PACSIN2: variants seen among roughly 807,000 people sequenced by gnomAD.
PACSIN2 encodes the protein protein kinase C and casein kinase substrate in neurons protein 2.
A neutral mutation model predicts 63.8 loss-of-function variants in PACSIN2; 25 were observed. That is an observed-to-expected ratio of 0.39 (90% CI 0.29 to 0.55). The LOEUF is 0.55. Among genes scored for constraint, PACSIN2 ranks in the 20% least tolerant of loss-of-function variants. PACSIN2 has a pLI of 0.62. For missense variants in PACSIN2, 518 were observed against 646.9 expected (o/e 0.80, Z 2.16); for synonymous variants, 255 against 256.2 (o/e 1.00, Z 0.05).
intron 1 of PACSIN2, among the ~76,000 whole-genome samples, chr22:43,005,475 G>A (rs1474252191): frequency 2.0e-5 from 3 of 152,186 alleles, no homozygotes; most frequent in African/African-American, 7.2e-5. Flanking sequence ...GCTTACAAAA[G>A]GTGGTGGGGA....
At chr22:42,966,964 G>T (rs1920965363) in intron 1 of PACSIN2, among the ~76,000 whole-genome samples, 1 of 152,164 alleles carries the variant, frequency 6.6e-6, no homozygotes, top group Admixed American at 6.6e-5. Context: ...TCAGCCATCT[G>T]ACAAATATTT....
chr22:42,907,166 G>C (rs2267467), intron 2 of PACSIN2, among the ~76,000 whole-genome samples: 27,919 of 152,182 alleles, frequency 0.18, 4,145 homozygotes, highest in East Asian at 0.55. Flanking sequence ...CTGGAGCCCA[G>C]GGCAGAGCTT....
At chr22:42,947,803 G>A (rs1367147453) in intron 1 of PACSIN2, among the ~76,000 whole-genome samples, 1 of 152,156 alleles carries the variant, frequency 6.6e-6, no homozygotes. Context: ...AATGGCATCC[G>A]GCTGGGACCT....
chr22:42,920,863 T>C (rs1932145995), intron 1 of PACSIN2, among the ~76,000 whole-genome samples: 1 of 145,842 alleles, frequency 6.9e-6, no homozygotes, highest in Non-Finnish European at 1.5e-5. Flanking sequence ...AGTGCAGTGG[T>C]GTGATCACAG....
At chr22:42,874,573 G>A (rs1363905522) in intron 10 of PACSIN2, among the ~76,000 whole-genome samples, 6 of 152,262 alleles carry the variant, frequency 3.9e-5, no homozygotes, top group Admixed American at 1.3e-4. Context: ...GGCATGCCAA[G>A]TGCTACTCTG....
At chr22:42,995,709 C>A (rs1015120935) in intron 1 of PACSIN2, among the ~76,000 whole-genome samples, 1 of 152,168 alleles carries the variant, frequency 6.6e-6, no homozygotes, top group African/African-American at 2.4e-5. Flanking sequence ...GTCCACCAGA[C>A]AGAGGCCTTA....
At chr22:42,897,640 C>T (rs1284388881) in intron 2 of PACSIN2, among the ~76,000 whole-genome samples, 3 of 152,198 alleles carry the variant, frequency 2.0e-5, no homozygotes, top group Non-Finnish European at 4.4e-5. Context: ...GCCTGGACAT[C>T]CCTTCACTCC....
chr22:42,876,603 C>T (rs534476407), intron 9 of PACSIN2, among the ~76,000 whole-genome samples: 4 of 152,364 alleles, frequency 2.6e-5, no homozygotes, highest in South Asian at 2.1e-4. Flanking sequence ...ACAGACTGCG[C>T]GTTGTCTGTT....
At chr22:42,950,916 A>AGGGG in intron 1 of PACSIN2, among the ~76,000 whole-genome samples, 4 of 152,122 alleles carry the variant, frequency 2.6e-5, no homozygotes, top group African/African-American at 9.7e-5. Context: ...ACCAGTAGGT[A>AGGGG]ATGTAGCGGC....
At chr22:42,937,880 G>A (rs1486065357) in intron 1 of PACSIN2, among the ~76,000 whole-genome samples, 1 of 152,154 alleles carries the variant, frequency 6.6e-6, no homozygotes, top group East Asian at 1.9e-4. Flanking sequence ...CTCCTGGCTC[G>A]AGCAGTCTGG....
chr22:42,901,750 G>A (rs948023546), intron 2 of PACSIN2, among the ~76,000 whole-genome samples: 3 of 152,204 alleles, frequency 2.0e-5, no homozygotes, highest in African/African-American at 7.2e-5. Flanking sequence ...GGGGTGAGGT[G>A]AGCCTTCAGG....
At chr22:43,012,650 C>A (rs1233897802) in intron 1 of PACSIN2, among the ~76,000 whole-genome samples, 1 of 151,404 alleles carries the variant, frequency 6.6e-6, no homozygotes, top group Admixed American at 6.6e-5. Context: ...CTACGCCAGA[C>A]TAATTTTTTT....
intron 1 of PACSIN2, among the ~76,000 whole-genome samples, chr22:42,974,782 A>AAGG (rs1000791563): frequency 7.7e-5 from 11 of 142,794 alleles, no homozygotes; most frequent in South Asian, 4.2e-4. Context: ...AAAAGAGAAG[A>AAGG]AGGAGGAGGA....
chr22:43,007,628 G>A (rs1601623897), intron 1 of PACSIN2, among the ~76,000 whole-genome samples: 1 of 152,172 alleles, frequency 6.6e-6, no homozygotes, highest in East Asian at 1.9e-4. Flanking sequence ...CTTCCCTGAA[G>A]GTCAGCTCTC....
chr22:42,952,764 G>A (rs527496148), intron 1 of PACSIN2, among the ~76,000 whole-genome samples: 1 of 152,042 alleles, frequency 6.6e-6, no homozygotes, highest in South Asian at 2.1e-4. Flanking sequence ...CCAGGTTCAA[G>A]CAATTCTCCT....
chr22:42,882,444 C>T, intron 6 of PACSIN2, 140 bp from the exon 7 acceptor site: 1 of 940,952 alleles, frequency 1.1e-6, no homozygotes, highest in South Asian at 1.6e-5. Context: ...ACACTCCTCC[C>T]TTGGCTCAGG....
At chr22:42,966,460 A>T (rs1920957954) in intron 1 of PACSIN2, among the ~76,000 whole-genome samples, 1 of 152,244 alleles carries the variant, frequency 6.6e-6, no homozygotes, top group South Asian at 2.1e-4. Context: ...TCAAAGAAGA[A>T]GGTCCCAGGA....
At chr22:42,893,065 A>G (rs1286217099) in intron 3 of PACSIN2, among the ~76,000 whole-genome samples, 3 of 152,236 alleles carry the variant, frequency 2.0e-5, no homozygotes, top group Non-Finnish European at 4.4e-5. Flanking sequence ...GTTGCCAGCT[A>G]GTCTTATCTG....
intron 1 of PACSIN2, among the ~76,000 whole-genome samples, chr22:42,918,407 C>T (rs2146737602): frequency 6.6e-6 from 1 of 152,314 alleles, no homozygotes; most frequent in South Asian, 2.1e-4. Context: ...AACCACCATC[C>T]AAGCAGCTAC....
Sources: gnomAD v4.1 joint callset for allele counts (sites outside exome capture counted in the v4.1 genomes callset) on GRCh38, gnomAD v4.1.1 for gene constraint, MANE v1.5 for transcripts, NCBI Gene and HGNC (gene_info 2026-07-23, HGNC 2026-07-21) for gene names.